KAT6B: variants seen among roughly 807,000 people sequenced by gnomAD.
The protein encoded by KAT6B is lysine acetyltransferase 6B.
KAT6B carries 10 observed loss-of-function variants against 187.5 expected under a neutral mutation model. The ratio of observed to expected loss-of-function variants is 0.05; its 90% CI spans 0.03 to 0.09. The LOEUF is 0.09. KAT6B is among the 10% of genes least tolerant of loss of function. The pLI, the probability that KAT6B is intolerant of heterozygous loss-of-function variation, is 1.00. For synonymous variants in KAT6B, 861 were observed against 926.8 expected (o/e 0.93, Z 1.29); for missense variants, 1,952 against 2,558.9 (o/e 0.76, Z 5.12).
At position 75,022,076 on chromosome 10, in the gene KAT6B, G is replaced by C. The variant is rs761860621; in HGVS notation, c.3217G>C (p.Glu1073Gln). 1.1e-5 allele frequency: 18 copies of C among 1,612,586 alleles called. No homozygotes were observed. Among genetic ancestry groups the C allele is most frequent in the Admixed American group, 3.3e-5 (2 of 59,956 alleles). Residue 1073 changes from glutamate to glutamine, a missense_variant, in exon 16 of 18, where the codon GAG becomes CAG. Physicochemically the swap from Glu to Gln is conservative, Grantham distance 29. This residue lies in a region of KAT6B where 758 missense variants were observed against 891.4 expected (regional missense o/e 0.85). Coordinates refer to ENST00000287239, the MANE Select transcript of KAT6B (RefSeq NM_012330.4). ...ELSKESSEEE[E>Q]EEEDEEEEEE... ...GTCTAAAGAGAGCAGTGAAGAAGAA[G>C]AGGAGGAGGAGGACGAGGAGGAGGA...
chr10:75,031,220 T>C lies in KAT6B; in HGVS notation c.*174T>C. The C allele has an allele frequency of 2.7e-6, 2 of 733,874 alleles. No homozygotes were observed. The highest frequency in any genetic ancestry group is 4.4e-6 in the Non-Finnish European group (2 of 453,170). The allele number at this position is 733,874 out of a possible 1,614,324, so 45.5% of individuals were successfully genotyped here. ...TATGCAGCAGAAAGCCTTATACAAG[T>C]TGTTTTTCTTTTTTTCCTTTTTCTT... is the stretch of plus-strand genomic sequence containing the variant. On this transcript the variant is annotated 3_prime_UTR_variant, in exon 18 of 18. Transcript: ENST00000287239.
At chr10:74,880,524 A>G (rs572776407) in intron 3 of KAT6B, among the ~76,000 whole-genome samples, 8 of 152,334 alleles carry the variant, frequency 5.3e-5, no homozygotes, top group Admixed American at 1.3e-4. Context: ...TAGTAGTACT[A>G]TGAACATTTG....
chr10:74,991,775 A>G (rs1843137111), intron 13 of KAT6B, among the ~76,000 whole-genome samples: 2 of 152,216 alleles, frequency 1.3e-5, no homozygotes, highest in South Asian at 4.1e-4. Context: ...TAGCACTCAA[A>G]GAAAATGGGA....
At chr10:74,880,812 C>T (rs1240847720) in intron 3 of KAT6B, among the ~76,000 whole-genome samples, 3 of 152,204 alleles carry the variant, frequency 2.0e-5, no homozygotes, top group Non-Finnish European at 4.4e-5. Flanking sequence ...GACGGGGTTT[C>T]ACCATGTTGG....
At chr10:74,943,151 T>C (rs1381030965) in intron 3 of KAT6B, among the ~76,000 whole-genome samples, 2 of 152,200 alleles carry the variant, frequency 1.3e-5, no homozygotes, top group African/African-American at 4.8e-5. Flanking sequence ...GGATACAAAA[T>C]GATTATTTTT....
intron 3 of KAT6B, among the ~76,000 whole-genome samples, chr10:74,863,589 G>A (rs1367471925): frequency 6.6e-6 from 1 of 152,204 alleles, no homozygotes; most frequent in Non-Finnish European, 1.5e-5. Context: ...GAGTATAAGG[G>A]AGTGTGGGCA....
chr10:74,830,769 T>TATATGTATATATA (rs58702000), intron 1 of KAT6B, among the ~76,000 whole-genome samples: 9 of 7,738 alleles, frequency 1.2e-3, no homozygotes, highest in African/African-American at 2.9e-3. Context: ...TATATATATA[T>TATATGTATATATA]TTTTTTTTTT....
intron 3 of KAT6B, among the ~76,000 whole-genome samples, chr10:74,951,601 C>G (rs1395608288): frequency 6.6e-6 from 1 of 152,156 alleles, no homozygotes; most frequent in African/African-American, 2.4e-5. Context: ...ACTAAGCAAG[C>G]CCTAATAGTG....
At chr10:74,892,040 T>A (rs144734801) in intron 3 of KAT6B, among the ~76,000 whole-genome samples, 13 of 152,270 alleles carry the variant, frequency 8.5e-5, no homozygotes, top group African/African-American at 2.6e-4. Flanking sequence ...GTTGACTGCT[T>A]CCACCTGGAG....
At chr10:74,925,593 G>A (rs1848440537) in intron 3 of KAT6B, among the ~76,000 whole-genome samples, 1 of 152,148 alleles carries the variant, frequency 6.6e-6, no homozygotes, top group African/African-American at 2.4e-5. Flanking sequence ...AGGTTCTGTT[G>A]GATGAGTATT....
intron 17 of KAT6B, among the ~76,000 whole-genome samples, chr10:75,026,946 A>G (rs1227967357): frequency 1.3e-5 from 2 of 151,836 alleles, no homozygotes; most frequent in South Asian, 2.1e-4. Context: ...GACCAGCCTG[A>G]CCAACATGGT....
intron 3 of KAT6B, among the ~76,000 whole-genome samples, chr10:74,952,032 T>C (rs1051146579): frequency 7.2e-5 from 11 of 152,134 alleles, no homozygotes; most frequent in African/African-American, 2.2e-4. Flanking sequence ...ATATTTCAGA[T>C]AATGGTCAGT....
At chr10:74,857,961 G>A (rs1443596342) in intron 3 of KAT6B, among the ~76,000 whole-genome samples, 2 of 152,110 alleles carry the variant, frequency 1.3e-5, no homozygotes, top group African/African-American at 2.4e-5. Context: ...GTTTGAGGCT[G>A]TAAGTGAGCT....
Position 74,981,859 on chromosome 10 carries a change from C to G in KAT6B, c.2304C>G (p.Ser768=), listed in dbSNP as rs1431019645. Residue 768 remains serine (S), a synonymous_variant, in exon 11 of 18, where the codon TCC becomes TCG. Transcript: ENST00000287239. ...GTAAAAATATTTTGCTAAGACACTC[C>G]AAGAAGTGTGGATGGTTTCATCCTC... The part of the protein sequence containing the change: ...MKSKNILLRH[S]KKCGWFHPPA... The G allele has an allele frequency of 1.2e-6, 2 of 1,608,798 alleles. No individual in the cohort carries two copies. The highest frequency in any genetic ancestry group is 1.7e-6 in the Non-Finnish European group (2 of 1,175,262).
chr10:74,970,008 G>T lies in KAT6B; in HGVS notation c.847-12G>T, dbSNP rs1286793961. 6.4e-7 allele frequency: 1 copy of T among 1,572,682 alleles called. No homozygotes were observed. The highest frequency in any genetic ancestry group is 1.7e-5 in the Admixed American group (1 of 59,918). On this transcript the variant is annotated splice_polypyrimidine_tract_variant and intron_variant, in intron 5 of 17. Transcript: ENST00000287239. ...TTCAGTCTCAATTAGTCTCTAATAT[G>T]TTATATTACAGGATAATATGCTTTT...
At chr10:74,919,238 A>G (rs1472606645) in intron 3 of KAT6B, among the ~76,000 whole-genome samples, 2 of 151,928 alleles carry the variant, frequency 1.3e-5, no homozygotes, top group Admixed American at 1.3e-4. Context: ...ATCTATATAT[A>G]TATATTTTTT....
At chr10:74,848,962 A>G (rs776932435) in intron 3 of KAT6B, among the ~76,000 whole-genome samples, 1 of 152,172 alleles carries the variant, frequency 6.6e-6, no homozygotes, top group Non-Finnish European at 1.5e-5. Context: ...AAATGGAGTG[A>G]TCTCAATTAC....
intron 13 of KAT6B, among the ~76,000 whole-genome samples, chr10:74,995,056 A>G (rs985383601): frequency 7.2e-5 from 11 of 152,158 alleles, no homozygotes; most frequent in African/African-American, 2.4e-4. Flanking sequence ...CCCTCTTCCC[A>G]TGTAATTCCT....
chr10:74,872,088 A>G (rs1844028678), intron 3 of KAT6B, among the ~76,000 whole-genome samples: 1 of 152,218 alleles, frequency 6.6e-6, no homozygotes. Flanking sequence ...CTTTACTAAC[A>G]GTAACCTAAG....
Sources: allele counts gnomAD v4.1 joint callset (sites outside exome capture counted in the v4.1 genomes callset), GRCh38; gene constraint gnomAD v4.1.1; regional missense constraint gnomAD v4.1.1; transcripts MANE v1.5; gene names NCBI Gene and HGNC (gene_info 2026-07-23, HGNC 2026-07-21).